Variants in FAM117A observed in about 807,000 individuals in gnomAD.
FAM117A encodes family with sequence similarity 117 member A.
In FAM117A, 21 loss-of-function variants were observed where a neutral mutation model predicts 44.1. The observed-to-expected ratio is 0.48, with a 90% CI of 0.34 to 0.69. The LOEUF is 0.69. Among genes scored for constraint, FAM117A ranks in the 30% least tolerant of loss-of-function variants. The pLI, the probability that FAM117A is intolerant of heterozygous loss-of-function variation, is 0.01. For synonymous variants in FAM117A, 220 were observed against 238.3 expected, an observed-to-expected ratio of 0.92 and a Z score of 0.71; for missense variants, 498 against 589.9, an observed-to-expected ratio of 0.84 and a Z score of 1.61.
chr17:49,780,693 GC>G (rs1408116556), intron 1 of FAM117A, among the ~76,000 whole-genome samples: 1 of 152,056 alleles, frequency 6.6e-6, no homozygotes, highest in African/African-American at 2.4e-5. Context: ...TTTCATCCAT[GC>G]CATGTACACA....
chr17:49,717,949 T>C (rs1412253915), intron 5 of FAM117A: 5 of 404,038 alleles, frequency 1.2e-5, no homozygotes, highest in Admixed American at 8.3e-5. Flanking sequence ...CACAGTCCAA[T>C]GTATAATTAC....
At chr17:49,780,866 T>C (rs1361630933) in intron 1 of FAM117A, among the ~76,000 whole-genome samples, 1 of 152,172 alleles carries the variant, frequency 6.6e-6, no homozygotes, top group Non-Finnish European at 1.5e-5. Flanking sequence ...AGTTTCGCTC[T>C]GTCACCCAGG....
At chr17:49,747,507 T>G (rs1368651976) in intron 1 of FAM117A, among the ~76,000 whole-genome samples, 1 of 152,136 alleles carries the variant, frequency 6.6e-6, no homozygotes, top group Non-Finnish European at 1.5e-5. Context: ...GCTAGAAAGG[T>G]CACAGTAATA....
chr17:49,744,516 C>T (rs1012467083), intron 1 of FAM117A, among the ~76,000 whole-genome samples: 85 of 150,428 alleles, frequency 5.7e-4, no homozygotes, highest in South Asian at 2.1e-4. Flanking sequence ...GACAGGATCT[C>T]CCTATGTTGC....
chr17:49,757,361 C>A (rs1032500335), intron 1 of FAM117A, among the ~76,000 whole-genome samples: 2 of 152,150 alleles, frequency 1.3e-5, no homozygotes, highest in Non-Finnish European at 2.9e-5. Context: ...CTTTTAAGTT[C>A]ATTAAAGCCA....
rs1027557341 is a variant in FAM117A, at chr17:49,742,236, C to T, written c.197-9516G>A. Among the ~76,000 whole-genome samples the T allele has an allele frequency of 8.5e-5, 13 of 152,274 alleles. No individual in the cohort carries two copies. The East Asian group carries it at 2.1e-3, about 25-fold the overall frequency. ...AAGTGTACAGCTTAAGTGAGAGCCA[C>T]TGAAAGCATTTCTGGCTGTGTGTCC... On this transcript the variant is annotated intron_variant, in intron 1 of 7. Transcript: ENST00000240364.
At chr17:49,733,013 C>T (rs1482078857) in intron 1 of FAM117A, 2 of 307,236 alleles carry the variant, frequency 6.5e-6, no homozygotes, top group Non-Finnish European at 1.2e-5. Context: ...GACTATGAAC[C>T]GTGAACTCCT....
At chr17:49,777,595 T>C (rs1473195389) in intron 1 of FAM117A, among the ~76,000 whole-genome samples, 1 of 152,112 alleles carries the variant, frequency 6.6e-6, no homozygotes, top group Non-Finnish European at 1.5e-5. Flanking sequence ...TTTTTTTTAA[T>C]GTTCAAGAAT....
rs904955028 is a variant in FAM117A, at chr17:49,714,601, G to A, written c.1061+1564C>T. On this transcript the variant is annotated intron_variant, in intron 7 of 7. Coordinates refer to ENST00000240364, the MANE Select transcript of FAM117A (RefSeq NM_030802.4). ...GATCTGCCCACCTCAGTCTCCCAAAGTGCTGGCATTACAGGCGTGAGCCAC... is the reference window on the plus strand; with the variant it reads ...GATCTGCCCACCTCAGTCTCCCAAAATGCTGGCATTACAGGCGTGAGCCAC... 2.0e-5 allele frequency among the ~76,000 whole-genome samples: 3 copies of A among 151,608 alleles called. No homozygotes were observed. The South Asian group carries it at 6.3e-4, about 32-fold the overall frequency.
intron 2 of FAM117A, among the ~76,000 whole-genome samples, chr17:49,729,371 G>A (rs1244592190): frequency 6.6e-6 from 1 of 152,194 alleles, no homozygotes; most frequent in Non-Finnish European, 1.5e-5. Context: ...GTGCCCACCA[G>A]TGAGGGAGGA....
At chr17:49,751,849 CAGG>C (rs1269943261) in intron 1 of FAM117A, among the ~76,000 whole-genome samples, 1 of 144,442 alleles carries the variant, frequency 6.9e-6, no homozygotes, top group Non-Finnish European at 1.5e-5. Context: ...GAGGCTGAGG[CAGG>C]AGAATTGCTT....
At chr17:49,734,461 G>A (rs1041829600) in intron 1 of FAM117A, among the ~76,000 whole-genome samples, 5 of 147,272 alleles carry the variant, frequency 3.4e-5, no homozygotes, top group Middle Eastern at 3.7e-3. Flanking sequence ...GCTTGGTGGC[G>A]AGTGCCTGTA....
intron 1 of FAM117A, among the ~76,000 whole-genome samples, chr17:49,777,992 C>T (rs2073779665): frequency 6.6e-6 from 1 of 152,188 alleles, no homozygotes; most frequent in Admixed American, 6.5e-5. Flanking sequence ...TTGGTCCTTC[C>T]TGGCGGGAAG....
At position 49,764,056 on chromosome 17, in the gene FAM117A, C is replaced by G; in HGVS notation, c.32G>C (p.Gly11Ala). 8.0e-7 allele frequency: 1 copy of G among 1,243,166 alleles called. No homozygotes were observed. The highest frequency in any genetic ancestry group is 1.0e-6 in the Non-Finnish European group (1 of 991,624). The allele number at this position is 1,243,166 out of a possible 1,614,324, so 77.0% of individuals were successfully genotyped here. A position where few individuals can be genotyped will look rare whatever the true frequency, so the allele number is the denominator to read the frequency against. Residue 11 changes from glycine (G) to alanine (A), a missense_variant, in exon 1 of 8, where the codon GGA (glycine) becomes GCA (alanine). Physicochemically the swap from Gly to Ala is moderately conservative, Grantham distance 60 (BLOSUM62 0). Around this residue, in one of 3 missense-constraint regions of FAM117A, gnomAD observed 270 missense variants for 277.4 expected, o/e 0.97. Coordinates refer to ENST00000240364, the MANE Select transcript of FAM117A (RefSeq NM_030802.4). MAGAAAGGRG[G>A]GAWGPGRGGA... is the part of the protein sequence containing the mutation. ...TCCGCGCCCCGGCCCCCAGGCACCTCCGCCTCTGCCGCCCGCTGCGGCCCC... is the reference window on the plus strand; with the variant it reads ...TCCGCGCCCCGGCCCCCAGGCACCTGCGCCTCTGCCGCCCGCTGCGGCCCC...
chr17:49,719,638 G>T, intron 5 of FAM117A, 122 bp downstream of exon 5: 1 of 1,202,080 alleles, frequency 8.3e-7, no homozygotes, highest in Non-Finnish European at 1.1e-6. Context: ...GCTGGTGTTT[G>T]TATGCTGCTG....
intron 1 of FAM117A, among the ~76,000 whole-genome samples, chr17:49,775,736 G>A (rs545451390): frequency 6.6e-6 from 1 of 152,174 alleles, no homozygotes; most frequent in Non-Finnish European, 1.5e-5. Context: ...AGTCTACAAA[G>A]TAGCCTGTAT....
intron 1 of FAM117A, among the ~76,000 whole-genome samples, chr17:49,781,593 A>G (rs1325591702): frequency 6.6e-6 from 1 of 152,258 alleles, no homozygotes; most frequent in Non-Finnish European, 1.5e-5. Context: ...ACATTACATC[A>G]TAGCACCACA....
chr17:49,768,356 G>C (rs2143793670), upstream of FAM117A, among the ~76,000 whole-genome samples: 1 of 152,230 alleles, frequency 6.6e-6, no homozygotes, highest in South Asian at 2.1e-4. Context: ...AAGAATGGGA[G>C]TTTCAAATCA....
chr17:49,772,117 C>T (rs1567838517), intron 1 of FAM117A, among the ~76,000 whole-genome samples: 1 of 151,966 alleles, frequency 6.6e-6, no homozygotes, highest in Admixed American at 6.6e-5. Context: ...TACAGTGAGA[C>T]CTGGTCTCTA....
Sources: gnomAD v4.1 joint callset for allele counts (sites outside exome capture counted in the v4.1 genomes callset) on GRCh38, gnomAD v4.1.1 for gene constraint, gnomAD v4.1.1 regional missense constraint, MANE v1.5 for transcripts, NCBI Gene and HGNC (gene_info 2026-07-23, HGNC 2026-07-21) for gene names.